The following NCOA4 variants were observed in gnomAD, a reference collection of about 807,000 sequenced individuals.
NCOA4 encodes the protein 70 kDa AR-activator.
A neutral mutation model predicts 69.5 loss-of-function variants in NCOA4; 31 were observed. That is an observed-to-expected ratio of 0.45 (90% CI 0.34 to 0.60). The LOEUF (loss-of-function observed/expected upper bound fraction) is 0.60. NCOA4 is among the 20% of genes least tolerant of loss of function. The pLI, the probability that NCOA4 is intolerant of heterozygous loss-of-function variation, is 0.02. For missense variants in NCOA4, 600 were observed against 719.2 expected, an observed-to-expected ratio of 0.83 and a Z score of 1.90; for synonymous variants, 228 against 252.4, an observed-to-expected ratio of 0.90 and a Z score of 0.92.
intron 1 of NCOA4, chr10:46,019,431 A>G (rs896046967): frequency 8.1e-6 from 8 of 985,362 alleles, no homozygotes; most frequent in Non-Finnish European, 7.2e-6. Flanking sequence ...GCAGTCTTTC[A>G]AATGTGTTAC....
chr10:46,010,173 G>T, intron 8 of NCOA4, 50 bp downstream of exon 8: 1 of 1,532,242 alleles, frequency 6.5e-7, no homozygotes, highest in Non-Finnish European at 8.7e-7. Flanking sequence ...CAAAATAAAT[G>T]AATAAATAAA....
intron 1 of NCOA4, among the ~76,000 whole-genome samples, chr10:46,017,179 C>T (rs1554923479): frequency 6.6e-6 from 1 of 152,092 alleles, no homozygotes; most frequent in East Asian, 1.9e-4. Context: ...TTTTAATTTC[C>T]CCCTTTTAGG....
At chr10:46,027,073 A>G (rs1364500089) in intron 1 of NCOA4, among the ~76,000 whole-genome samples, 2 of 152,168 alleles carry the variant, frequency 1.3e-5, no homozygotes, top group Non-Finnish European at 2.9e-5. Context: ...GATCAAGACC[A>G]TCCTGGCTAA....
In NCOA4 at chr10:46,014,430, A is replaced by T; in HGVS notation, c.480+14T>A. The T allele has an allele frequency of 6.4e-7, 1 of 1,564,620 alleles. No homozygotes were observed. The highest frequency in any genetic ancestry group is 1.1e-5 in the South Asian group (1 of 89,298). Reference sequence around the variant, plus strand: ...ATATGAGAAGTGCCCAGTGAAGCATATGAGATTACTCACAATGGTTTTGAG... The same window carrying T: ...ATATGAGAAGTGCCCAGTGAAGCATTTGAGATTACTCACAATGGTTTTGAG... On this transcript the variant is annotated intron_variant, in intron 5 of 9. Coordinates refer to ENST00000581486, the MANE Select transcript of NCOA4 (RefSeq NM_001145263.2).
At position 46,009,460 on chromosome 10, in the gene NCOA4, A is replaced by C. The variant is rs781837940; in HGVS notation, c.1790T>G (p.Met597Arg). The change falls in exon 9 of 10, where the codon ATG (methionine) becomes AGG (arginine). Residue 597 changes from methionine to arginine, a missense_variant. Transcript: ENST00000581486. ...CTTCTCTTTATCAACTTTAAGCTGC[A>C]TACAGGCAAAGAGATCACAAACTGC... is the stretch of plus-strand genomic sequence containing the variant. ...LPAVCDLFAC[M>R]QLKVDKEKWL... 6.2e-7 allele frequency: 1 copy of C among 1,613,014 alleles called. No homozygotes were observed. The highest frequency in any genetic ancestry group is 1.1e-5 in the South Asian group (1 of 91,038).
chr10:46,008,738 C>T (rs1427696547), intron 9 of NCOA4, among the ~76,000 whole-genome samples: 2 of 151,696 alleles, frequency 1.3e-5, no homozygotes, highest in Non-Finnish European at 2.9e-5. Flanking sequence ...TATCACACAG[C>T]ATCACATGTT....
At chr10:46,023,569 C>T in intron 1 of NCOA4, 2 of 965,690 alleles carry the variant, frequency 2.1e-6, no homozygotes, top group Non-Finnish European at 2.5e-6. Context: ...TCGCGGCCCC[C>T]CTGCAGCTCC....
chr10:46,013,692 G>C, intron 5 of NCOA4, 53 bp from the exon 6 acceptor site: 1 of 1,306,914 alleles, frequency 7.7e-7, no homozygotes, highest in Non-Finnish European at 1.1e-6. Context: ...TGCCAAAAAA[G>C]TGAAATTATA....
rs1415406393 is a variant in NCOA4, at chr10:46,006,054, A to G, written c.*538T>C. The G allele has an allele frequency of 3.9e-5, 8 of 206,060 alleles. No homozygotes were observed. Among genetic ancestry groups the G allele is most frequent in the African/African-American group, 1.8e-4 (8 of 43,842 alleles). 12.8% of individuals were successfully genotyped at this position (206,060 alleles called of 1,614,324 possible). A position where few individuals can be genotyped will look rare whatever the true frequency, so the allele number is the denominator to read the frequency against. On this transcript the variant is annotated 3_prime_UTR_variant, in exon 10 of 10. Coordinates refer to ENST00000581486, the MANE Select transcript of NCOA4 (RefSeq NM_001145263.2). The stretch of plus-strand genomic sequence containing the variant: ...AATGTCAAAAATTGCCAAGATTATT[A>G]ATATATATTTTGGTAATCACTATTG...
chr10:46,007,579 CTCTT>C (rs1838912813), intron 9 of NCOA4, among the ~76,000 whole-genome samples: 1 of 125,674 alleles, frequency 8.0e-6, no homozygotes, highest in South Asian at 2.8e-4. Flanking sequence ...CAGCCAGTGA[CTCTT>C]TTTTTTTTTT....
intron 9 of NCOA4, among the ~76,000 whole-genome samples, chr10:46,008,390 C>G (rs1435074144): frequency 1.3e-5 from 2 of 152,170 alleles, no homozygotes; most frequent in Admixed American, 6.5e-5. Context: ...TTGGAAGAAA[C>G]GGATTCCCAC....
chr10:46,020,051 T>C (rs1320741971), intron 1 of NCOA4, among the ~76,000 whole-genome samples: 3 of 152,198 alleles, frequency 2.0e-5, no homozygotes, highest in Non-Finnish European at 4.4e-5. Flanking sequence ...AGAGGAAGCC[T>C]TCAGAGCGGA....
intron 1 of NCOA4, among the ~76,000 whole-genome samples, chr10:46,022,031 C>G (rs1313003174): frequency 2.0e-5 from 3 of 152,080 alleles, no homozygotes; most frequent in Non-Finnish European, 4.4e-5. Context: ...CAAAACACTG[C>G]CAAATACCAA....
rs1338412855 is a variant in NCOA4 at position 46,015,315 on chromosome 10, A to G, written c.142-49T>C. 6 of 1,102,396 alleles carry G rather than the reference A, an allele frequency of 5.4e-6. No individual in the cohort carries two copies. The African/African-American group carries it at 1.1e-4, about 21-fold the overall frequency. The allele number at this position is 1,102,396 out of a possible 1,614,324, so 68.3% of individuals were successfully genotyped here. On this transcript the variant is annotated intron_variant, in intron 2 of 9. Coordinates refer to ENST00000581486, the MANE Select transcript of NCOA4 (RefSeq NM_001145263.2). ...TTCCTAGTGTTAATCCCAAAGAATG[A>G]TGTTTCCCAAAGAATAGTGAGTTTC...
rs1401746735 is a variant in NCOA4 at position 46,006,117 on chromosome 10, T to C, written c.*475A>G. The C allele has an allele frequency of 4.5e-6, 1 of 222,056 alleles. No homozygotes were observed. The highest frequency in any genetic ancestry group is 9.0e-6 in the Non-Finnish European group (1 of 110,862). 13.8% of individuals were successfully genotyped at this position (222,056 alleles called of 1,614,324 possible). A position where few individuals can be genotyped will look rare whatever the true frequency, so the allele number is the denominator to read the frequency against. ...TTTTTGTGCAAAATACACTATGTATTAATAGAACAGGAAAATAATTATTTC... is the reference window on the plus strand; with the variant it reads ...TTTTTGTGCAAAATACACTATGTATCAATAGAACAGGAAAATAATTATTTC... On this transcript the variant is annotated 3_prime_UTR_variant, in exon 10 of 10. Coordinates refer to ENST00000581486, the MANE Select transcript of NCOA4 (RefSeq NM_001145263.2).
chr10:46,019,632 G>T, intron 1 of NCOA4: 1 of 460,406 alleles, frequency 2.2e-6, no homozygotes, highest in Non-Finnish European at 2.9e-6. Context: ...TGTATTACTA[G>T]ATTCCTAAAG....
chr10:46,028,895 A>G (rs1237630278), intron 1 of NCOA4, among the ~76,000 whole-genome samples: 1 of 152,054 alleles, frequency 6.6e-6, no homozygotes, highest in African/African-American at 2.4e-5. Flanking sequence ...GAATGCTAAC[A>G]CTATGTGAGG....
intron 1 of NCOA4, among the ~76,000 whole-genome samples, chr10:46,022,088 T>G (rs1440944792): frequency 6.6e-6 from 1 of 152,158 alleles, no homozygotes; most frequent in African/African-American, 2.4e-5. Context: ...ACTCCAGGCT[T>G]CATTCGTCTG....
At chr10:46,019,545 A>G (rs2132356822) in intron 1 of NCOA4, 1 of 984,102 alleles carries the variant, frequency 1.0e-6, no homozygotes, top group African/African-American at 1.7e-5. Flanking sequence ...AATAAAATTA[A>G]ATTGTTGCTT....
Sources: gnomAD v4.1 joint callset for allele counts (sites outside exome capture counted in the v4.1 genomes callset) on GRCh38, gnomAD v4.1.1 for gene constraint, MANE v1.5 for transcripts, NCBI Gene and HGNC (gene_info 2026-07-23, HGNC 2026-07-21) for gene names.